SFPQ: variants seen among roughly 807,000 people sequenced by gnomAD.
SFPQ encodes the protein splicing factor proline and glutamine rich.
In SFPQ, 11 loss-of-function variants were observed where a neutral mutation model predicts 72.9. That is an observed-to-expected ratio of 0.15 (90% CI 0.09 to 0.25). SFPQ has a LOEUF of 0.25. Among genes scored for constraint, SFPQ ranks in the 10% least tolerant of loss-of-function variants. The pLI is 1.00. For missense variants in SFPQ, 847 were observed against 993.3 expected, an observed-to-expected ratio of 0.85 and a Z score of 1.98; for synonymous variants, 506 against 367.3, an observed-to-expected ratio of 1.38 and a Z score of -4.32.
downstream of SFPQ, chr1:35,178,257 T>G (rs1557777227): frequency 1.1e-5 from 12 of 1,093,064 alleles, no homozygotes; most frequent in Non-Finnish European, 1.3e-5. Context: ...GAAAACTGTA[T>G]TTTCTTTAAA....
rs950795672 is a variant in SFPQ at position 35,182,956 on chromosome 1, T to C, written c.*1500A>G. Reference sequence around the variant, plus strand: ...ATGGAAACATTCCAAGCCTTTATGGTGGGAGGAAGGGATATTTGTACTGTG... The same window carrying C: ...ATGGAAACATTCCAAGCCTTTATGGCGGGAGGAAGGGATATTTGTACTGTG... On this transcript the variant is annotated 3_prime_UTR_variant, in exon 10 of 10. Coordinates refer to ENST00000357214, the MANE Select transcript of SFPQ (RefSeq NM_005066.3). 2.3e-5 allele frequency: 24 copies of C among 1,043,582 alleles called. No individual in the cohort carries two copies. Among genetic ancestry groups the C allele is most frequent in the Non-Finnish European group, 2.8e-5 (24 of 865,720 alleles). 64.6% of individuals were successfully genotyped at this position (1,043,582 alleles called of 1,614,324 possible).
chr1:35,191,855 C>T (rs1045231144), intron 1 of SFPQ, among the ~76,000 whole-genome samples: 1 of 152,250 alleles, frequency 6.6e-6, no homozygotes, highest in Non-Finnish European at 1.5e-5. Context: ...CCAAATGCCA[C>T]TGTAACCTAC....
In SFPQ at chr1:35,184,797, G is replaced by C. The variant is rs116497941; in HGVS notation, c.1987-204C>G. ...CATGCCTTGTGGTATGTTCCCACTT[G>C]AGCCATTCTCATACACCTGTTTCAA... is the stretch of plus-strand genomic sequence containing the variant. On this transcript the variant is annotated intron_variant, in intron 9 of 9. Coordinates refer to ENST00000357214, the MANE Select transcript of SFPQ (RefSeq NM_005066.3). 3.8e-3 allele frequency among the ~76,000 whole-genome samples: 580 copies of C among 152,292 alleles called. 5 individuals are homozygous for C. The highest frequency in any genetic ancestry group is 0.013 in the African/African-American group (560 of 41,546).
downstream of SFPQ, chr1:35,182,703 G>C (rs973483381): frequency 2.0e-6 from 2 of 985,280 alleles, no homozygotes; most frequent in Non-Finnish European, 2.4e-6. Context: ...ACATTCCATA[G>C]TAAGAATTCT....
chr1:35,176,714 CA>C (rs920889048), intron 5 of SFPQ, among the ~76,000 whole-genome samples: 2 of 149,266 alleles, frequency 1.3e-5, no homozygotes, highest in Admixed American at 6.7e-5. Flanking sequence ...CTAAAAAATA[CA>C]AAAAAAAATT....
downstream of SFPQ, chr1:35,181,096 T>C: frequency 9.4e-7 from 1 of 1,065,000 alleles, no homozygotes; most frequent in Non-Finnish European, 1.1e-6. Context: ...TAAAAGTACA[T>C]ACAAGTCACC....
At chr1:35,178,773 G>A (rs531058037), downstream of SFPQ, 1 of 1,052,600 alleles carries the variant, frequency 9.5e-7, no homozygotes, top group Non-Finnish European at 1.1e-6. Flanking sequence ...GGTATATGAA[G>A]TAAGAGTTCC....
In SFPQ at chr1:35,193,140, A is replaced by G. The variant is rs117402486; in HGVS notation, c.-91T>C. 2.7e-6 allele frequency: 4 copies of G among 1,472,884 alleles called. No homozygotes were observed. The highest frequency in any genetic ancestry group is 1.4e-5 in the South Asian group (1 of 73,934). 91.2% of individuals were successfully genotyped at this position (1,472,884 alleles called of 1,614,324 possible). A position where few individuals can be genotyped will look rare whatever the true frequency, so the allele number is the denominator to read the frequency against. ...TGCTTCTCACAAAATGGCGGATGAC[A>G]CAGGCGGCGCGCCGCCTTTGTCCTC... is the stretch of plus-strand genomic sequence containing the variant. On this transcript the variant is annotated 5_prime_UTR_variant, in exon 1 of 10. Coordinates refer to ENST00000357214, the MANE Select transcript of SFPQ (RefSeq NM_005066.3).
Position 35,192,549 on chromosome 1 carries a change from G to A in SFPQ, c.501C>T (p.Pro167=), listed in dbSNP as rs1570144025. Residue 167 remains proline, a synonymous_variant, in exon 1 of 10, where the codon CCC becomes CCT. Transcript: ENST00000357214. ...TAGGGACCCCGCTGCTTGGCGGGGT[G>A]GGTGGCGGCGCCCCGGGAGGGGCCG... ...VTSAPPGAPP[P]TPPSSGVPTT... The A allele has an allele frequency of 3.0e-6, 4 of 1,327,628 alleles. No homozygotes were observed. The African/African-American group carries it at 4.6e-5, about 15-fold the overall frequency. The allele number at this position is 1,327,628 out of a possible 1,614,324, so 82.2% of individuals were successfully genotyped here. A position where few individuals can be genotyped will look rare whatever the true frequency, so the allele number is the denominator to read the frequency against.
chr1:35,189,485 T>C (rs1639889443), intron 4 of SFPQ, 103 bp from the exon 5 acceptor site: 1 of 899,002 alleles, frequency 1.1e-6, no homozygotes, highest in African/African-American at 1.7e-5. Context: ...TTGTAAAGAG[T>C]ACAAAAGGCA....
downstream of SFPQ, chr1:35,180,769 G>C (rs184171249): frequency 1.1e-5 from 12 of 1,061,314 alleles, no homozygotes; most frequent in Non-Finnish European, 1.1e-6. Flanking sequence ...CATGCTATAC[G>C]GTCCATGTCA....
chr1:35,182,347 T>C, downstream of SFPQ: 1 of 985,424 alleles, frequency 1.0e-6, no homozygotes, highest in Non-Finnish European at 1.2e-6. Flanking sequence ...AATAACCTGT[T>C]TGGGGACAAA....
Position 35,189,057 on chromosome 1 carries a change from C to A in SFPQ, c.1643G>T (p.Arg548Leu). The A allele has an allele frequency of 6.2e-7, 1 of 1,612,876 alleles. No individual in the cohort carries two copies. Among genetic ancestry groups the A allele is most frequent in the South Asian group, 1.1e-5 (1 of 91,014 alleles). Residue 548 changes from arginine to leucine, a missense_variant, in exon 6 of 10, where the codon CGC becomes CTC. Around this residue, in one of 6 missense-constraint regions of SFPQ, gnomAD observed 132 missense variants for 255.4 expected, o/e 0.52. Coordinates refer to ENST00000357214, the MANE Select transcript of SFPQ (RefSeq NM_005066.3). ...TTCTTGATTGTGAAGTTCTTCCATGCGTCTTAATTCTTCCTGTCGTCTCAT... is the reference window on the plus strand; with the variant it reads ...TTCTTGATTGTGAAGTTCTTCCATGAGTCTTAATTCTTCCTGTCGTCTCAT... ...DLMRRQEELRRMEELHNQEMQ... is the reference protein window; with the variant it reads ...DLMRRQEELRLMEELHNQEMQ...
chr1:35,192,426 TTTGGGACCACCCGGACCTGGGCCC>T lies in SFPQ; in HGVS notation c.600_623del (p.Pro202_Gly209del). 2.1e-6 allele frequency: 3 copies of T among 1,425,800 alleles called. No homozygotes were observed. Among genetic ancestry groups the T allele is most frequent in the Non-Finnish European group, 2.7e-6 (3 of 1,097,776 alleles). 88.3% of individuals were successfully genotyped at this position (1,425,800 alleles called of 1,614,324 possible). On this transcript the variant is annotated inframe_deletion, in exon 1 of 10. Coordinates refer to ENST00000357214, the MANE Select transcript of SFPQ (RefSeq NM_005066.3). ...TCGGCCCGCCAGGCATTTTGCCGCC[TTTGGGACCACCCGGACCTGGGCCC>T]TGCTTAGGCCCTGGACCCGGGCCCG...
chr1:35,185,619 G>C (rs1639673218), intron 9 of SFPQ, among the ~76,000 whole-genome samples: 1 of 152,148 alleles, frequency 6.6e-6, no homozygotes, highest in East Asian at 1.9e-4. Flanking sequence ...CAGTTACTAA[G>C]AGTATTACTC....
chr1:35,178,687 C>G (rs1639344710), downstream of SFPQ: 2 of 1,054,892 alleles, frequency 1.9e-6, no homozygotes, highest in Non-Finnish European at 2.3e-6. Context: ...CCTGGCAGGG[C>G]CACAGTGCAC....
downstream of SFPQ, chr1:35,179,495 A>G (rs1639379880): frequency 2.8e-6 from 3 of 1,055,186 alleles, no homozygotes; most frequent in South Asian, 4.6e-5. Context: ...GGTTTGTAAC[A>G]AAATTATGAA....
intron 1 of SFPQ, among the ~76,000 whole-genome samples, chr1:35,191,809 A>G (rs1281233302): frequency 6.6e-6 from 1 of 152,214 alleles, no homozygotes; most frequent in African/African-American, 2.4e-5. Context: ...AAAAATCTAA[A>G]TAGTATGAAA....
rs746695844 is a variant in SFPQ at position 35,189,254 on chromosome 1, G to A, written c.1544C>T (p.Ala515Val). 1.2e-6 allele frequency: 2 copies of A among 1,613,198 alleles called. No homozygotes were observed. Among genetic ancestry groups the A allele is most frequent in the South Asian group, 2.2e-5 (2 of 91,070 alleles). The change falls in exon 5 of 10, where the codon GCA (alanine) becomes GTA (valine). Residue 515 changes from alanine (A) to valine (V), a missense_variant. Transcript: ENST00000357214. Reference protein sequence around the residue: ...REQVEKNMKDAKDKLESEMED... With the variant: ...REQVEKNMKDVKDKLESEMED... Reference sequence around the variant, plus strand: ...CATTTCACTTTCCAATTTGTCTTTTGCATCTTTCATGTTTTTTTCAACTTG... The same window carrying A: ...CATTTCACTTTCCAATTTGTCTTTTACATCTTTCATGTTTTTTTCAACTTG...
Sources: allele counts gnomAD v4.1 joint callset (sites outside exome capture counted in the v4.1 genomes callset), GRCh38; gene constraint gnomAD v4.1.1; regional missense constraint gnomAD v4.1.1; transcripts MANE v1.5; gene names NCBI Gene and HGNC (gene_info 2026-07-23, HGNC 2026-07-21).